Variants in OR11G2 observed in about 807,000 individuals in gnomAD.
OR11G2 encodes olfactory receptor family 11 subfamily G member 2.
OR11G2 carries 2 observed loss-of-function variants against 0.9 expected under a neutral mutation model. The observed-to-expected ratio is 2.35, with a 90% CI of 0.96 to 7.38. The LOEUF (loss-of-function observed/expected upper bound fraction) is 7.38. OR11G2 is among the 30% of genes most tolerant of loss of function. OR11G2 has a pLI of 0.05. For synonymous variants in OR11G2, 153 were observed against 142.0 expected (o/e 1.08, Z -0.55); for missense variants, 395 against 371.3 (o/e 1.06, Z -0.52).
At position 20,198,566 on chromosome 14, in the gene OR11G2, A is replaced by C. The variant is rs965990888; in HGVS notation, c.*193A>C. On this transcript the variant is annotated 3_prime_UTR_variant, in exon 2 of 2. Transcript: ENST00000641879. ...ACACGGTGAAACCCTGTCTCTACTA[A>C]AAAATACAAAAAATTAGCCGGGCGT... The C allele has an allele frequency of 8.4e-6, 3 of 359,270 alleles. No homozygotes were observed. The highest frequency in any genetic ancestry group is 6.3e-5 in the African/African-American group (3 of 47,572). The allele number at this position is 359,270 out of a possible 1,614,324, so 22.3% of individuals were successfully genotyped here.
chr14:20,192,863 TA>T (rs1879681470), intron 1 of OR11G2, among the ~76,000 whole-genome samples: 1 of 152,138 alleles, frequency 6.6e-6, no homozygotes, highest in South Asian at 2.1e-4. Flanking sequence ...CGGCTGTTTG[TA>T]AAAACTGAAA....
intron 1 of OR11G2, among the ~76,000 whole-genome samples, chr14:20,193,348 C>T (rs1879692497): frequency 6.6e-6 from 1 of 152,174 alleles, no homozygotes; most frequent in African/African-American, 2.4e-5. Flanking sequence ...TCTCGAACTC[C>T]TGAGCTCAAG....
chr14:20,200,604 T>G lies in OR11G2; in HGVS notation c.*2231T>G, dbSNP rs895898192. 6.6e-6 allele frequency: 1 copy of G among 152,200 alleles called. No individual in the cohort carries two copies. The highest frequency in any genetic ancestry group is 2.4e-5 in the African/African-American group (1 of 41,446). 9.4% of individuals were successfully genotyped at this position (152,200 alleles called of 1,614,324 possible). On this transcript the variant is annotated 3_prime_UTR_variant, in exon 2 of 2. Transcript: ENST00000641879. ...CTCTATATAGGGTGACAAGGCAACC[T>G]CTATCAAAATTTAGAAGACACATAT...
rs1879836855 is a variant in OR11G2 at position 20,198,685 on chromosome 14, CGCCACTGCACTCA to C, written c.*313_*325del. On this transcript the variant is annotated 3_prime_UTR_variant, in exon 2 of 2. Transcript: ENST00000641879. Reference sequence around the variant, plus strand: ...CGGAGCTTGCAGTGAGCCGAGATCGCGCCACTGCACTCAAGCCTGGGCGACAGAGCGAGACTCT... The same window carrying C: ...CGGAGCTTGCAGTGAGCCGAGATCGCAGCCTGGGCGACAGAGCGAGACTCT... 6.1e-6 allele frequency: 1 copy of C among 163,820 alleles called. No individual in the cohort carries two copies. The highest frequency in any genetic ancestry group is 1.3e-5 in the Non-Finnish European group (1 of 76,104). The allele number at this position is 163,820 out of a possible 1,614,324, so 10.1% of individuals were successfully genotyped here. A position where few individuals can be genotyped will look rare whatever the true frequency, so the allele number is the denominator to read the frequency against.
At chr14:20,194,260 T>G (rs758853792) in intron 1 of OR11G2, among the ~76,000 whole-genome samples, 2 of 152,256 alleles carry the variant, frequency 1.3e-5, no homozygotes, top group African/African-American at 2.4e-5. Context: ...GGAAAACAAG[T>G]TACAGACAGG....
rs2139115642 is a variant in OR11G2 at position 20,198,228 on chromosome 14, G to A, written c.791G>A (p.Gly264Glu). 1 of 1,614,076 alleles carries A rather than the reference G, an allele frequency of 6.2e-7. No homozygotes were observed. Among genetic ancestry groups the A allele is most frequent in the Non-Finnish European group, 8.5e-7 (1 of 1,180,014 alleles). The stretch of plus-strand genomic sequence containing the variant: ...TACGGCTCAGTACTGGTCATGTATG[G>A]GAGCCCACCATCTAAGAATGAAGCT... ...LFYGSVLVMYGSPPSKNEAGK... is the reference protein window; with the variant it reads ...LFYGSVLVMYESPPSKNEAGK... The change falls in exon 2 of 2, where the codon GGG (glycine) becomes GAG (glutamate). Residue 264 changes from glycine (G) to glutamate (E), a missense_variant. Physicochemically the swap from Gly to Glu is moderately conservative, Grantham distance 98. Transcript: ENST00000641879.
Position 20,197,573 on chromosome 14 carries a change from A to G in OR11G2, c.136A>G (p.Asn46Asp), listed in dbSNP as rs1028111176. ...TGTTTACCTCCTGACCCTCATGGGC[A>G]ATGGTTCCATCATCTGTGCTGTGCA... ...TVVYLLTLMG[N>D]GSIICAVHWD... The change falls in exon 2 of 2, where the codon AAT becomes GAT. Residue 46 changes from asparagine (N) to aspartate (D), a missense_variant. Coordinates refer to ENST00000641879, the MANE Select transcript of OR11G2 (RefSeq NM_001386033.1). 5 of 1,614,112 alleles carry G rather than the reference A, an allele frequency of 3.1e-6. No individual in the cohort carries two copies. In the Middle Eastern group the frequency reaches 4.9e-4, roughly 160 times the overall value.
chr14:20,193,264 G>T (rs1331833328), intron 1 of OR11G2, among the ~76,000 whole-genome samples: 1 of 152,116 alleles, frequency 6.6e-6, no homozygotes, highest in African/African-American at 2.4e-5. Flanking sequence ...GATTACAGGT[G>T]GTGCGTGCCT....
rs568674709 is a variant in OR11G2 at position 20,198,544 on chromosome 14, C to A, written c.*171C>A. Reference sequence around the variant, plus strand: ...GAGATCAAGACCACCCTGGCTAACACGGTGAAACCCTGTCTCTACTAAAAA... The same window carrying A: ...GAGATCAAGACCACCCTGGCTAACAAGGTGAAACCCTGTCTCTACTAAAAA... On this transcript the variant is annotated 3_prime_UTR_variant, in exon 2 of 2. Coordinates refer to ENST00000641879, the MANE Select transcript of OR11G2 (RefSeq NM_001386033.1). 2.1e-6 allele frequency: 1 copy of A among 477,150 alleles called. No homozygotes were observed. Among genetic ancestry groups the A allele is most frequent in the East Asian group, 3.6e-5 (1 of 27,584 alleles). 29.6% of individuals were successfully genotyped at this position (477,150 alleles called of 1,614,324 possible).
rs1355035824 is a variant in OR11G2 at position 20,191,593 on chromosome 14, G to T, written c.-78G>T. 6.6e-6 allele frequency: 1 copy of T among 152,344 alleles called. No individual in the cohort carries two copies. The highest frequency in any genetic ancestry group is 1.5e-5 in the Non-Finnish European group (1 of 68,170). 9.4% of individuals were successfully genotyped at this position (152,344 alleles called of 1,614,324 possible). A position where few individuals can be genotyped will look rare whatever the true frequency, so the allele number is the denominator to read the frequency against. On this transcript the variant is annotated 5_prime_UTR_variant, in exon 1 of 2. Coordinates refer to ENST00000641879, the MANE Select transcript of OR11G2 (RefSeq NM_001386033.1). ...TCGGGGGAATCTGCCTGCCACTTTG[G>T]ACAGCTCCAGTTTAGCCCTGTGCCA...
rs1329657848 is a variant in OR11G2, at chr14:20,199,473, G to A, written c.*1100G>A. ...CAGTAAATGGTCAAATATCCTCAGG[G>A]AAATACACATGGGGAATGTGAAACT... On this transcript the variant is annotated 3_prime_UTR_variant, in exon 2 of 2. Transcript: ENST00000641879. 6.6e-6 allele frequency: 1 copy of A among 152,188 alleles called. No homozygotes were observed. The highest frequency in any genetic ancestry group is 2.4e-5 in the African/African-American group (1 of 41,432). 9.4% of individuals were successfully genotyped at this position (152,188 alleles called of 1,614,324 possible). A position where few individuals can be genotyped will look rare whatever the true frequency, so the allele number is the denominator to read the frequency against.
In OR11G2 at chr14:20,197,577, G is replaced by T. The variant is rs2139112994; in HGVS notation, c.140G>T (p.Gly47Val). The T allele has an allele frequency of 1.2e-6, 2 of 1,614,114 alleles. No individual in the cohort carries two copies. Among genetic ancestry groups the T allele is most frequent in the East Asian group, 2.2e-5 (1 of 44,874 alleles). Reference sequence around the variant, plus strand: ...TACCTCCTGACCCTCATGGGCAATGGTTCCATCATCTGTGCTGTGCACTGG... The same window carrying T: ...TACCTCCTGACCCTCATGGGCAATGTTTCCATCATCTGTGCTGTGCACTGG... ...VVYLLTLMGN[G>V]SIICAVHWDQ... Residue 47 changes from glycine (G) to valine (V), a missense_variant, in exon 2 of 2, where the codon GGT (glycine) becomes GTT (valine). By Grantham distance (109) the Gly-to-Val change is moderately radical (BLOSUM62 -3). Transcript: ENST00000641879.
At chr14:20,193,895 C>T (rs913509761) in intron 1 of OR11G2, among the ~76,000 whole-genome samples, 1 of 152,108 alleles carries the variant, frequency 6.6e-6, no homozygotes, top group African/African-American at 2.4e-5. Flanking sequence ...CGTGCACACC[C>T]CTCAGTGGGA....
Position 20,197,887 on chromosome 14 carries a change from C to A in OR11G2, c.450C>A (p.Val150=). The A allele has an allele frequency of 6.2e-7, 1 of 1,614,066 alleles. No homozygotes were observed. Among genetic ancestry groups the A allele is most frequent in the South Asian group, 1.1e-5 (1 of 91,058 alleles). The change falls in exon 2 of 2, where the codon GTC becomes GTA. Residue 150 remains valine (V), a synonymous_variant. Coordinates refer to ENST00000641879, the MANE Select transcript of OR11G2 (RefSeq NM_001386033.1). The part of the protein sequence containing the change: ...MTRRLCTNLV[V]NCWVLGFIWF... ...GACGTCTCTGTACCAATCTTGTGGT[C>A]AATTGCTGGGTACTTGGTTTCATCT...
chr14:20,191,234 A>C lies in OR11G2; in HGVS notation c.-437A>C, dbSNP rs1879645209. On this transcript the variant is annotated 5_prime_UTR_variant, in exon 1 of 2. Transcript: ENST00000641879. ...TTTTCAAGGACTTTGCAGAAAGTAA[A>C]TAGGTGTAATGATATGTAGTCAAAA... 1 of 152,236 alleles carries C rather than the reference A, an allele frequency of 6.6e-6. No individual in the cohort carries two copies. The highest frequency in any genetic ancestry group is 1.5e-5 in the Non-Finnish European group (1 of 68,040). The allele number at this position is 152,236 out of a possible 1,614,324, so 9.4% of individuals were successfully genotyped here.
chr14:20,195,201 G>A (rs990613121), intron 1 of OR11G2, among the ~76,000 whole-genome samples: 20 of 152,080 alleles, frequency 1.3e-4, no homozygotes, highest in Admixed American at 4.6e-4. Flanking sequence ...TCCATGTCAC[G>A]GGAATTAGGG....
rs952412640 is a variant in OR11G2 at position 20,191,385 on chromosome 14, T to C, written c.-286T>C. On this transcript the variant is annotated 5_prime_UTR_variant, in exon 1 of 2. It removes an upstream start codon present in the reference 5' UTR. Coordinates refer to ENST00000641879, the MANE Select transcript of OR11G2 (RefSeq NM_001386033.1). ...AGAGAAATGCTTTTGTCTCATATTA[T>C]GTATTATAGCACAGGAGCTGGCTAA... The C allele has an allele frequency of 4.6e-5, 7 of 152,224 alleles. No individual in the cohort carries two copies. Among genetic ancestry groups the C allele is most frequent in the Non-Finnish European group, 8.8e-5 (6 of 68,034 alleles). 9.4% of individuals were successfully genotyped at this position (152,224 alleles called of 1,614,324 possible).
chr14:20,197,049 T>C (rs1879766279), intron 1 of OR11G2, among the ~76,000 whole-genome samples: 1 of 152,234 alleles, frequency 6.6e-6, no homozygotes, highest in East Asian at 1.9e-4. Flanking sequence ...GAAATTCATT[T>C]GTGTAAGAAT....
rs1594225071 is a variant in OR11G2, at chr14:20,198,451, A to T, written c.*78A>T. ...TTTAAAAAAAAAACTGGTCTTGGCC[A>T]GGCGCGGTGGCTTACGCCTGTAATC... On this transcript the variant is annotated 3_prime_UTR_variant, in exon 2 of 2. Coordinates refer to ENST00000641879, the MANE Select transcript of OR11G2 (RefSeq NM_001386033.1). 7 of 1,104,856 alleles carry T rather than the reference A, an allele frequency of 6.3e-6. No homozygotes were observed. The South Asian group carries it at 9.4e-5, about 15-fold the overall frequency. 68.4% of individuals were successfully genotyped at this position (1,104,856 alleles called of 1,614,324 possible).
Sources: allele counts gnomAD v4.1 joint callset (sites outside exome capture counted in the v4.1 genomes callset), GRCh38; gene constraint gnomAD v4.1.1; transcripts MANE v1.5; gene names NCBI Gene and HGNC (gene_info 2026-07-23, HGNC 2026-07-21).